The following PCDH11X variants were observed in gnomAD, a reference collection of about 807,000 sequenced individuals.
The protein encoded by PCDH11X is protocadherin-11 X-linked.
Under a neutral mutation model 53.3 loss-of-function variants are expected in PCDH11X, and 18 were observed. The observed-to-expected ratio is 0.34, with a 90% CI of 0.23 to 0.50. The LOEUF (loss-of-function observed/expected upper bound fraction) is 0.50. Among genes scored for constraint, PCDH11X ranks in the 20% least tolerant of loss-of-function variants. The pLI is 0.98. For missense variants in PCDH11X, 570 were observed against 1,032.4 expected, an observed-to-expected ratio of 0.55 and a Z score of 6.14; for synonymous variants, 279 against 393.3, an observed-to-expected ratio of 0.71 and a Z score of 3.44.
intron 4 of PCDH11X, among the ~76,000 whole-genome samples, chrX:91,819,630 C>CTT (rs71231693): frequency 4.7e-4 from 45 of 96,545 alleles, no homozygotes; most frequent in African/African-American, 1.6e-3. Context: ...GCAAGCATTT[C>CTT]TTTTTTTTTT....
chrX:92,608,997 C>T (rs1347724203), intron 10 of PCDH11X, among the ~76,000 whole-genome samples: 2 of 111,105 alleles, frequency 1.8e-5, no homozygotes, highest in African/African-American at 6.5e-5. Context: ...GAACCATACA[C>T]GATGTAGACT....
chrX:91,889,538 C>T (rs1288731729), intron 6 of PCDH11X, among the ~76,000 whole-genome samples: 3 of 112,120 alleles, frequency 2.7e-5, no homozygotes, highest in African/African-American at 9.7e-5. Flanking sequence ...TTCTCAAACT[C>T]CTGACCTCAG....
chrX:92,116,867 C>A lies in PCDH11X; in HGVS notation c.3034-84508C>A, dbSNP rs1038288630. Among the ~76,000 whole-genome samples, 64 of 110,613 alleles carry A rather than the reference C, an allele frequency of 5.8e-4. 1 individual carries two copies. The highest frequency in any genetic ancestry group is 2.0e-3 in the African/African-American group (62 of 30,378). On this transcript the variant is annotated intron_variant, in intron 6 of 10. Transcript: ENST00000682573. ...CCTCTCATAGTGCTGGGATTACAGA[C>A]ATGAGCCACCGTGCTCAGCCAGCAA...
In PCDH11X at chrX:91,903,658, T is replaced by C. The variant is rs753334045; in HGVS notation, c.3033+24385T>C. Among the ~76,000 whole-genome samples, 269 of 94,357 alleles carry C rather than the reference T, an allele frequency of 2.9e-3. 1 individual carries two copies. Among genetic ancestry groups the C allele is most frequent in the African/African-American group, 9.7e-3 (254 of 26,211 alleles). 81.9% of individuals were successfully genotyped at this position (94,357 alleles called of 115,157 possible). On this transcript the variant is annotated intron_variant, in intron 6 of 10. Transcript: ENST00000682573. ...CTCAGCTCAGGTTCCTCTATGTGCGTGTGTGTGTGTGTGTGTGTGTGTGTG... is the reference window on the plus strand; with the variant it reads ...CTCAGCTCAGGTTCCTCTATGTGCGCGTGTGTGTGTGTGTGTGTGTGTGTG...
chrX:92,164,342 A>G (rs1378749274), intron 6 of PCDH11X, among the ~76,000 whole-genome samples: 11 of 112,477 alleles, frequency 9.8e-5, no homozygotes, highest in Non-Finnish European at 1.9e-4. Flanking sequence ...ACCGTTAAGG[A>G]GGAATATGCC....
At chrX:92,167,414 G>A (rs1241635943) in intron 6 of PCDH11X, among the ~76,000 whole-genome samples, 1 of 111,486 alleles carries the variant, frequency 9.0e-6, no homozygotes, top group East Asian at 2.8e-4. Context: ...GTAATTTTTT[G>A]TGTGTCTCTT....
At chrX:92,315,744 C>T (rs2069060407) in intron 8 of PCDH11X, among the ~76,000 whole-genome samples, 1 of 107,336 alleles carries the variant, frequency 9.3e-6, no homozygotes, top group African/African-American at 3.4e-5. Flanking sequence ...CCATGTTGCC[C>T]AGGCTGGTCC....
chrX:92,457,631 TAATAA>T (rs1279187781), intron 9 of PCDH11X, among the ~76,000 whole-genome samples: 1 of 108,371 alleles, frequency 9.2e-6, no homozygotes, highest in Non-Finnish European at 1.9e-5. Context: ...AAGATCTATA[TAATAA>T]AATAATCAAT....
chrX:92,347,401 C>T (rs1390029051), intron 8 of PCDH11X, among the ~76,000 whole-genome samples: 1 of 111,656 alleles, frequency 9.0e-6, no homozygotes, highest in Non-Finnish European at 1.9e-5. Context: ...TTCGGATGCT[C>T]TTATAGTCTT....
At chrX:92,588,015 T>C (rs925412633) in intron 10 of PCDH11X, among the ~76,000 whole-genome samples, 7 of 103,247 alleles carry the variant, frequency 6.8e-5, no homozygotes, top group African/African-American at 2.5e-4. Context: ...GAATATTCAA[T>C]TCATAAAAAT....
intron 6 of PCDH11X, among the ~76,000 whole-genome samples, chrX:92,054,154 C>T (rs5984860): frequency 0.17 from 18,658 of 110,517 alleles, 1,383 homozygotes; most frequent in East Asian, 0.41. Flanking sequence ...GTGCCAAGAG[C>T]TTATATAAAT....
chrX:91,901,261 A>G (rs878931515), intron 6 of PCDH11X, among the ~76,000 whole-genome samples: 5 of 111,717 alleles, frequency 4.5e-5, no homozygotes, highest in African/African-American at 1.3e-4. Context: ...AACCTGCCCA[A>G]CTACCTGGTA....
Position 92,113,699 on chromosome X carries a change from G to T in PCDH11X, c.3034-87676G>T, listed in dbSNP as rs186704912. On this transcript the variant is annotated intron_variant, in intron 6 of 10. Transcript: ENST00000682573. ...AGTGTGTCCAGCTTCCACTCCTCTC[G>T]TTCCACGTTGATGTAGAATTGGCGG... The T allele has an allele frequency of 1.0e-5, 12 of 1,199,661 alleles. 2 individuals carry two copies. In the African/African-American group the frequency reaches 2.1e-4, roughly 21 times the overall value.
intron 8 of PCDH11X, among the ~76,000 whole-genome samples, chrX:92,301,910 C>T (rs373476466): frequency 3.6e-5 from 4 of 110,583 alleles, no homozygotes; most frequent in Admixed American, 9.6e-5. Flanking sequence ...CTGAACTGGC[C>T]GACTTCTCTG....
intron 6 of PCDH11X, among the ~76,000 whole-genome samples, chrX:92,112,331 TAAAAAA>T (rs72029186): frequency 5.6e-5 from 5 of 89,085 alleles, no homozygotes; most frequent in African/African-American, 1.6e-4. Context: ...GATGTTCTGG[TAAAAAA>T]AAAAAAAAAA....
intron 6 of PCDH11X, among the ~76,000 whole-genome samples, chrX:92,011,380 C>G (rs936393538): frequency 8.9e-6 from 1 of 112,122 alleles, no homozygotes; most frequent in Non-Finnish European, 1.9e-5. Context: ...ACCTCACCAA[C>G]GTGATATTTT....
chrX:92,465,655 T>C (rs1454378491), intron 9 of PCDH11X, among the ~76,000 whole-genome samples: 1 of 111,661 alleles, frequency 9.0e-6, no homozygotes, highest in Non-Finnish European at 1.9e-5. Flanking sequence ...CAGATATTTC[T>C]AGCTCATATT....
In PCDH11X at chrX:92,580,258, C is replaced by A. The variant is rs184861766; in HGVS notation, c.3368-38006C>A. Among the ~76,000 whole-genome samples the A allele has an allele frequency of 3.0e-3, 322 of 108,243 alleles. 2 individuals are homozygous for A. The highest frequency in any genetic ancestry group is 5.0e-3 in the Non-Finnish European group (260 of 52,513). The allele number at this position is 108,243 out of a possible 115,157, so 94.0% of individuals were successfully genotyped here. A position where few individuals can be genotyped will look rare whatever the true frequency, so the allele number is the denominator to read the frequency against. On this transcript the variant is annotated intron_variant, in intron 10 of 10. Coordinates refer to ENST00000682573, the MANE Select transcript of PCDH11X (RefSeq NM_032968.5). ...CTCACTCAACAAAGTACCCTGGATGCCCCTTGGCCGAGTAGGTGTTCTACA... is the reference window on the plus strand; with the variant it reads ...CTCACTCAACAAAGTACCCTGGATGACCCTTGGCCGAGTAGGTGTTCTACA...
chrX:92,408,032 A>T (rs761145123), intron 9 of PCDH11X, among the ~76,000 whole-genome samples: 3 of 109,665 alleles, frequency 2.7e-5, no homozygotes, highest in South Asian at 8.0e-4. Context: ...TTACAGGCAC[A>T]TGCCACCATG....
Sources: allele counts gnomAD v4.1 joint callset (sites outside exome capture counted in the v4.1 genomes callset), GRCh38; gene constraint gnomAD v4.1.1; transcripts MANE v1.5; gene names NCBI Gene and HGNC (gene_info 2026-07-23, HGNC 2026-07-21).